Variants in SNX7 observed in about 807,000 individuals in gnomAD.
SNX7 encodes the protein sorting nexin 7.
Under a neutral mutation model 48.4 loss-of-function variants are expected in SNX7, and 35 were observed. The ratio of observed to expected loss-of-function variants is 0.72; its 90% CI spans 0.55 to 0.96. SNX7 has a LOEUF of 0.96. Ranked by LOEUF, SNX7 falls within the 40% of genes least tolerant of loss-of-function variation. The probability of loss-of-function intolerance (pLI) is 0.00; values close to 1 mark genes in which losing one functional copy is unlikely to be tolerated. For synonymous variants in SNX7, 190 were observed against 190.2 expected (o/e 1.00, Z 0.01); for missense variants, 553 against 548.9 (o/e 1.01, Z -0.07).
At chr1:98,685,403 T>C (rs1650738380) in intron 2 of SNX7, among the ~76,000 whole-genome samples, 1 of 152,174 alleles carries the variant, frequency 6.6e-6, no homozygotes, top group Non-Finnish European at 1.5e-5. Context: ...AAGAAAATGC[T>C]TAAACAGTTC....
chr1:98,723,483 G>C (rs35232171), intron 7 of SNX7, among the ~76,000 whole-genome samples: 2 of 151,572 alleles, frequency 1.3e-5, no homozygotes, highest in African/African-American at 4.8e-5. Flanking sequence ...CAGAATTAGA[G>C]AAAAGTAATT....
rs560442978 is a variant in SNX7 at position 98,664,403 on chromosome 1, C to T, written c.180+2492C>T. On this transcript the variant is annotated intron_variant, in intron 1 of 8. Coordinates refer to ENST00000306121, the MANE Select transcript of SNX7 (RefSeq NM_015976.5). ...ATTAGCCGGGTGTGGTGGTGGGAGC[C>T]TTTAATCCTAGCTAACCGGGAAGCT... is the stretch of plus-strand genomic sequence containing the variant. Among the ~76,000 whole-genome samples the T allele has an allele frequency of 2.0e-5, 3 of 152,208 alleles. No individual in the cohort carries two copies. The South Asian group carries it at 6.2e-4, about 32-fold the overall frequency.
In SNX7 at chr1:98,667,304, G is replaced by A. The variant is rs551046973; in HGVS notation, c.180+5393G>A. Among the ~76,000 whole-genome samples the A allele has an allele frequency of 4.8e-4, 73 of 152,150 alleles. 1 individual carries two copies. Among genetic ancestry groups the A allele is most frequent in the Non-Finnish European group, 8.8e-4 (60 of 68,026 alleles). ...TTAATTGGGATAAATATGAAGTTCT[G>A]AAGAAAGCTCCATTAGTCATTGTAA... is the stretch of plus-strand genomic sequence containing the variant. On this transcript the variant is annotated intron_variant, in intron 1 of 8. Coordinates refer to ENST00000306121, the MANE Select transcript of SNX7 (RefSeq NM_015976.5).
chr1:98,743,734 T>A (rs1654185263), intron 8 of SNX7, among the ~76,000 whole-genome samples: 1 of 152,074 alleles, frequency 6.6e-6, no homozygotes, highest in African/African-American at 2.4e-5. Flanking sequence ...TTATTTCTTG[T>A]TGTGTTGGGA....
chr1:98,666,932 C>T (rs370179664), intron 1 of SNX7, among the ~76,000 whole-genome samples: 14 of 152,276 alleles, frequency 9.2e-5, no homozygotes, highest in Admixed American at 3.3e-4. Context: ...TAGCCGAAGT[C>T]CCTGGCACTA....
At chr1:98,727,399 T>A (rs146423618) in intron 7 of SNX7, among the ~76,000 whole-genome samples, 1,784 of 151,598 alleles carry the variant, frequency 0.012, 20 homozygotes, top group South Asian at 0.035. Flanking sequence ...GTAGATAAAC[T>A]CAGGAAGATG....
In SNX7 at chr1:98,691,716, T is replaced by G; in HGVS notation, c.639+17T>G. 6.4e-7 allele frequency: 1 copy of G among 1,572,066 alleles called. No individual in the cohort carries two copies. The highest frequency in any genetic ancestry group is 8.6e-7 in the Non-Finnish European group (1 of 1,156,980). On this transcript the variant is annotated intron_variant, in intron 4 of 8. Coordinates refer to ENST00000306121, the MANE Select transcript of SNX7 (RefSeq NM_015976.5). ...CAAGCTTGGGTAAATGATTTTTATT[T>G]ATACTCATATAATCTTTGGGTGTCT... is the stretch of plus-strand genomic sequence containing the variant.
intron 4 of SNX7, 78 bp downstream of exon 4, chr1:98,691,777 C>A: frequency 8.3e-7 from 1 of 1,207,964 alleles, no homozygotes; most frequent in Non-Finnish European, 1.1e-6. Context: ...CTCTTGTTTA[C>A]CGTTACAAAT....
chr1:98,728,132 A>G (rs1353833686), intron 7 of SNX7, among the ~76,000 whole-genome samples: 3 of 152,184 alleles, frequency 2.0e-5, no homozygotes, highest in African/African-American at 7.2e-5. Context: ...AAGAGCAGCC[A>G]GAGAGAAAGG....
chr1:98,704,104 G>T (rs1332088343), intron 7 of SNX7, among the ~76,000 whole-genome samples: 1 of 151,362 alleles, frequency 6.6e-6, no homozygotes, highest in African/African-American at 2.4e-5. Context: ...TTTCCACTGG[G>T]CTTGCAAATA....
intron 1 of SNX7, among the ~76,000 whole-genome samples, chr1:98,681,194 A>G (rs1570504162): frequency 6.6e-6 from 1 of 152,210 alleles, no homozygotes; most frequent in Non-Finnish European, 1.5e-5. Flanking sequence ...TGAAACCATC[A>G]GATCTCATGA....
At chr1:98,737,430 G>C (rs1280901924) in intron 7 of SNX7, among the ~76,000 whole-genome samples, 3 of 152,086 alleles carry the variant, frequency 2.0e-5, no homozygotes, top group Non-Finnish European at 4.4e-5. Context: ...GGTAAAAACA[G>C]GGATTTTTGT....
chr1:98,710,676 A>T (rs569336432), intron 7 of SNX7, among the ~76,000 whole-genome samples: 1 of 152,298 alleles, frequency 6.6e-6, no homozygotes, highest in South Asian at 2.1e-4. Context: ...CTTTTTGTTA[A>T]TAAGAAATAT....
At chr1:98,739,998 A>G (rs894563769) in intron 8 of SNX7, among the ~76,000 whole-genome samples, 7 of 152,214 alleles carry the variant, frequency 4.6e-5, no homozygotes, top group African/African-American at 1.7e-4. Flanking sequence ...GTTAGGAGGC[A>G]GGAAAGGCAG....
At position 98,685,001 on chromosome 1, in the gene SNX7, A is replaced by G. The variant is rs1650711611; in HGVS notation, c.297A>G (p.Thr99=). ...DEPDLKDLFI[T]VDEPESHVTT... is the part of the protein sequence containing the mutation. Reference sequence around the variant, plus strand: ...CAGATTTAAAGGATCTCTTCATCACAGTTGATGAACCTGAAAGTCATGTTA... The same window carrying G: ...CAGATTTAAAGGATCTCTTCATCACGGTTGATGAACCTGAAAGTCATGTTA... Residue 99 remains threonine (T), a synonymous_variant, in exon 2 of 9, where the codon ACA becomes ACG. Transcript: ENST00000306121. 6.3e-7 allele frequency: 1 copy of G among 1,592,862 alleles called. No individual in the cohort carries two copies. The highest frequency in any genetic ancestry group is 2.2e-5 in the East Asian group (1 of 44,552).
chr1:98,741,278 A>G (rs548831386), intron 8 of SNX7, among the ~76,000 whole-genome samples: 1 of 152,258 alleles, frequency 6.6e-6, no homozygotes, highest in East Asian at 1.9e-4. Context: ...TAGAAATTAA[A>G]AGTTAAATAT....
chr1:98,742,731 G>C (rs1654131550), intron 8 of SNX7, among the ~76,000 whole-genome samples: 1 of 151,770 alleles, frequency 6.6e-6, no homozygotes, highest in Non-Finnish European at 1.5e-5. Flanking sequence ...TTTCTCCTAG[G>C]GAGTGGTTCA....
At chr1:98,683,043 T>C (rs963591070) in intron 1 of SNX7, among the ~76,000 whole-genome samples, 2 of 152,216 alleles carry the variant, frequency 1.3e-5, no homozygotes. Flanking sequence ...GTGGTGTTGC[T>C]GTTCTCTGAA....
upstream of SNX7, chr1:98,661,568 G>C (rs1342593144): frequency 1.7e-6 from 1 of 590,296 alleles, no homozygotes; most frequent in African/African-American, 2.0e-5. Context: ...GGATGCGCCC[G>C]GCCCGGGCCA....
Sources: allele counts gnomAD v4.1 joint callset (sites outside exome capture counted in the v4.1 genomes callset), GRCh38; gene constraint gnomAD v4.1.1; transcripts MANE v1.5; gene names NCBI Gene and HGNC (gene_info 2026-07-23, HGNC 2026-07-21).